The following UBE3C variants were observed in gnomAD, a reference collection of about 807,000 sequenced individuals.
UBE3C encodes ubiquitin-protein ligase E3C.
Under a neutral mutation model 129.4 loss-of-function variants are expected in UBE3C, and 42 were observed. The observed-to-expected ratio is 0.32, with a 90% CI of 0.25 to 0.42. UBE3C has a LOEUF of 0.42. Ranked by LOEUF, UBE3C falls within the 10% of genes least tolerant of loss-of-function variation. The probability of loss-of-function intolerance (pLI) is 1.00; values close to 1 mark genes in which losing one functional copy is unlikely to be tolerated. For synonymous variants in UBE3C, 510 were observed against 492.4 expected (o/e 1.04, Z -0.47); for missense variants, 1,049 against 1,319.1 (o/e 0.80, Z 3.17).
intron 1 of UBE3C, among the ~76,000 whole-genome samples, chr7:157,149,789 C>A: frequency 6.6e-6 from 1 of 152,172 alleles, no homozygotes; most frequent in East Asian, 1.9e-4. Flanking sequence ...TTCTTTAATT[C>A]TTCTATTATA....
intron 1 of UBE3C, among the ~76,000 whole-genome samples, chr7:157,143,925 G>A (rs1278170252): frequency 2.6e-5 from 4 of 152,178 alleles, no homozygotes. Context: ...ACTTACAAAA[G>A]AGTCACACCT....
chr7:157,177,490 T>C (rs1022082042), intron 5 of UBE3C, among the ~76,000 whole-genome samples: 1 of 152,240 alleles, frequency 6.6e-6, no homozygotes, highest in Non-Finnish European at 1.5e-5. Context: ...CATGGGATTA[T>C]CAGCACACAT....
At position 157,216,352 on chromosome 7, in the gene UBE3C, GT is replaced by G. The variant is rs11373650; in HGVS notation, c.1810-502del. ...AGCTAAGACATTTCCAGATTCGTGG[GT>G]TTTTTTTTTTTTAATATTTTAGGTT... is the stretch of plus-strand genomic sequence containing the variant. On this transcript the variant is annotated intron_variant, in intron 13 of 22. Transcript: ENST00000348165. Among the ~76,000 whole-genome samples the G allele has an allele frequency of 9.7e-3, 1,413 of 145,044 alleles. 18 individuals carry two copies. Among genetic ancestry groups the G allele is most frequent in the African/African-American group, 0.032 (1,278 of 40,292 alleles).
At chr7:157,191,533 T>C (rs531434967) in intron 10 of UBE3C, among the ~76,000 whole-genome samples, 1 of 152,182 alleles carries the variant, frequency 6.6e-6, no homozygotes, top group Non-Finnish European at 1.5e-5. Flanking sequence ...CCAAGTAATC[T>C]GCTTGTCTCA....
chr7:157,233,905 A>G (rs574015424), intron 18 of UBE3C, among the ~76,000 whole-genome samples: 1 of 152,212 alleles, frequency 6.6e-6, no homozygotes, highest in Non-Finnish European at 1.5e-5. Context: ...GTGGGTGGGA[A>G]TTGGTATCTC....
At chr7:157,257,243 A>G (rs1292825954) in intron 22 of UBE3C, among the ~76,000 whole-genome samples, 199 bp downstream of exon 22, 5 of 152,202 alleles carry the variant, frequency 3.3e-5, no homozygotes, top group Admixed American at 1.3e-4. Flanking sequence ...TTTGTTCACA[A>G]TAACCTAGTC....
intron 10 of UBE3C, among the ~76,000 whole-genome samples, chr7:157,194,487 T>C (rs1809061268): frequency 6.6e-6 from 1 of 152,194 alleles, no homozygotes; most frequent in Non-Finnish European, 1.5e-5. Context: ...AATGCTGCTG[T>C]AACAAATATC....
intron 10 of UBE3C, chr7:157,192,872 AAAAAAG>A: frequency 1.1e-6 from 1 of 908,516 alleles, no homozygotes; most frequent in Non-Finnish European, 1.8e-6. Context: ...TTAAAAAAAA[AAAAAAG>A]AAGGGATTAT....
intron 10 of UBE3C, among the ~76,000 whole-genome samples, chr7:157,195,573 G>A (rs1451553295): frequency 1.3e-5 from 2 of 152,150 alleles, no homozygotes; most frequent in South Asian, 2.1e-4. Flanking sequence ...ACAGGAATGT[G>A]TATAGCTGTT....
At chr7:157,257,080 C>T (rs576916210) in intron 22 of UBE3C, 36 bp downstream of exon 22, 4 of 1,609,890 alleles carry the variant, frequency 2.5e-6, no homozygotes, top group Non-Finnish European at 3.4e-6. Flanking sequence ...TTAAAGACCA[C>T]TTCATAATAA....
intron 5 of UBE3C, among the ~76,000 whole-genome samples, chr7:157,177,764 G>C (rs571083298): frequency 1.3e-5 from 2 of 152,322 alleles, no homozygotes; most frequent in African/African-American, 4.8e-5. Context: ...GCAGCCTGCG[G>C]TAAGCGGATA....
intron 2 of UBE3C, among the ~76,000 whole-genome samples, chr7:157,168,738 G>A (rs1266126961): frequency 6.6e-6 from 1 of 152,204 alleles, no homozygotes; most frequent in African/African-American, 2.4e-5. Flanking sequence ...TCCAGAATAA[G>A]CACATCCATA....
chr7:157,206,775 A>G (rs553962709), intron 11 of UBE3C, among the ~76,000 whole-genome samples: 4 of 118,830 alleles, frequency 3.4e-5, no homozygotes, highest in Non-Finnish European at 6.5e-5. Context: ...TTAATATATC[A>G]TAGCTCTTGA....
At position 157,166,383 on chromosome 7, in the gene UBE3C, G is replaced by C. The variant is rs143062135; in HGVS notation, c.120+2520G>C. 2.0e-3 allele frequency among the ~76,000 whole-genome samples: 297 copies of C among 152,220 alleles called. 1 individual carries two copies. The highest frequency in any genetic ancestry group is 6.6e-3 in the African/African-American group (274 of 41,526). On this transcript the variant is annotated intron_variant, in intron 2 of 22. Coordinates refer to ENST00000348165, the MANE Select transcript of UBE3C (RefSeq NM_014671.3). ...TTGGTAAGTTGCTCACTTATATCCTGAATTATTTTTCTGACTTCTTTGTAT... is the reference window on the plus strand; with the variant it reads ...TTGGTAAGTTGCTCACTTATATCCTCAATTATTTTTCTGACTTCTTTGTAT...
chr7:157,252,855 T>C (rs916618685), intron 19 of UBE3C, among the ~76,000 whole-genome samples: 3 of 152,254 alleles, frequency 2.0e-5, no homozygotes, highest in Admixed American at 6.5e-5. Flanking sequence ...GTCCACAGTA[T>C]AGGTTGCCCT....
At chr7:157,262,903 C>T (rs773696802) in intron 22 of UBE3C, 1 of 152,140 alleles carries the variant, frequency 6.6e-6, no homozygotes, top group Non-Finnish European at 1.5e-5. Context: ...GGACATTGCT[C>T]TAGTTTGATT....
intron 1 of UBE3C, among the ~76,000 whole-genome samples, chr7:157,159,056 C>T (rs1006490990): frequency 6.6e-6 from 1 of 152,154 alleles, no homozygotes; most frequent in African/African-American, 2.4e-5. Context: ...AGACTTAATT[C>T]TCTAGCCTTG....
chr7:157,267,822 C>T lies in UBE3C; in HGVS notation c.*67C>T. 1.4e-6 allele frequency: 2 copies of T among 1,421,102 alleles called. No homozygotes were observed. The highest frequency in any genetic ancestry group is 1.5e-5 in the South Asian group (1 of 67,726). The allele number at this position is 1,421,102 out of a possible 1,614,324, so 88.0% of individuals were successfully genotyped here. A position where few individuals can be genotyped will look rare whatever the true frequency, so the allele number is the denominator to read the frequency against. On this transcript the variant is annotated 3_prime_UTR_variant, in exon 23 of 23. Coordinates refer to ENST00000348165, the MANE Select transcript of UBE3C (RefSeq NM_014671.3). ...CCTTCGTCAGCAGCGCCTCCCCAGACCCACGAGGATACTCACACTGCACGC... is the reference window on the plus strand; with the variant it reads ...CCTTCGTCAGCAGCGCCTCCCCAGATCCACGAGGATACTCACACTGCACGC...
rs1002069540 is a variant in UBE3C, at chr7:157,244,234, G to GA, written c.2482-4126dup. 5.9e-5 allele frequency among the ~76,000 whole-genome samples: 9 copies of GA among 151,582 alleles called. No individual in the cohort carries two copies. The East Asian group carries it at 1.2e-3, about 20-fold the overall frequency. Reference sequence around the variant, plus strand: ...GGGCGATAGAGTGAAACTCCGTCTCGAAAAAAAAGAAAGAAAGATGAGGTA... The same window carrying GA: ...GGGCGATAGAGTGAAACTCCGTCTCGAAAAAAAAAGAAAGAAAGATGAGGTA... On this transcript the variant is annotated intron_variant, in intron 18 of 22. Transcript: ENST00000348165.
Sources: allele counts gnomAD v4.1 joint callset (sites outside exome capture counted in the v4.1 genomes callset), GRCh38; gene constraint gnomAD v4.1.1; transcripts MANE v1.5; gene names NCBI Gene and HGNC (gene_info 2026-07-23, HGNC 2026-07-21).